The following NAT16 variants were observed in gnomAD, a reference collection of about 807,000 sequenced individuals.
NAT16 encodes the protein N-acetyltransferase 16 (putative), also known as probable N-acetyltransferase 16.
NAT16 carries 16 observed loss-of-function variants against 15.9 expected under a neutral mutation model. The ratio of observed to expected loss-of-function variants is 1.01; its 90% CI spans 0.68 to 1.53. The LOEUF is 1.53. Among genes scored for constraint, NAT16 ranks in the 40% most tolerant of loss-of-function variants. The pLI is 0.00. For synonymous variants in NAT16, 260 were observed against 241.9 expected, an observed-to-expected ratio of 1.07 and a Z score of -0.69; for missense variants, 572 against 508.4, an observed-to-expected ratio of 1.13 and a Z score of -1.20.
rs201125111 is a variant in NAT16, at chr7:101,172,675, G to C, written c.538-24C>G. On this transcript the variant is annotated intron_variant, in intron 3 of 3. Coordinates refer to ENST00000300303, the MANE Select transcript of NAT16 (RefSeq NM_198571.3). This position sits in a 1 kb window ranked among gnomAD's most constrained non-coding sequence, Gnocchi z 4.2. ...CCCTGCGGGGGGCACGAGTGAGCGC[G>C]GGGAGGGGGGGCGCAGCAGGGCTGG... The C allele has an allele frequency of 1.0e-3, 1,517 of 1,450,706 alleles. 12 individuals carry two copies. In the African/African-American group the frequency reaches 0.019, roughly 18 times the overall value. 89.9% of individuals were successfully genotyped at this position (1,450,706 alleles called of 1,614,324 possible). A position where few individuals can be genotyped will look rare whatever the true frequency, so the allele number is the denominator to read the frequency against.
intron 2 of NAT16, chr7:101,173,772 G>A: frequency 1.9e-6 from 1 of 517,528 alleles, no homozygotes; most frequent in Non-Finnish European, 3.4e-6. Flanking sequence ...CACCCAGGCT[G>A]GAGCGCAGTG....
rs754359293 is a variant in NAT16, at chr7:101,172,315, C to G, written c.874G>C (p.Gly292Arg). 1.2e-5 allele frequency: 20 copies of G among 1,608,734 alleles called. No homozygotes were observed. Among genetic ancestry groups the G allele is most frequent in the Non-Finnish European group, 1.6e-5 (19 of 1,178,326 alleles). The part of the protein sequence containing the change: ...RPFPIPHGGD[G>R]TWRYLNIDAF... ...TCGATGTTGAGATAGCGCCAAGTGC[C>G]GTCCCCTCCGTGCGGGATGGGGAAG... Residue 292 changes from glycine to arginine, a missense_variant, in exon 4 of 4, where the codon GGC (glycine) becomes CGC (arginine). By Grantham distance (125) the Gly-to-Arg change is moderately radical. Transcript: ENST00000300303. The surrounding 1 kb of genome is among the most constrained non-coding windows in gnomAD (Gnocchi z 4.2).
Position 101,174,538 on chromosome 7 carries a change from G to T in NAT16, c.270C>A (p.Asp90Glu). The change falls in exon 2 of 4, where the codon GAC becomes GAA. Residue 90 changes from aspartate (D) to glutamate (E), a missense_variant. Asp to Glu is a conservative substitution (Grantham distance 45, BLOSUM62 2). Coordinates refer to ENST00000300303, the MANE Select transcript of NAT16 (RefSeq NM_198571.3). ...TGGCCAGCACCACCGTGCGGTCGGGGTCCCGGAGCCAGCTGTGGTAGCGGC... is the reference window on the plus strand; with the variant it reads ...TGGCCAGCACCACCGTGCGGTCGGGTTCCCGGAGCCAGCTGTGGTAGCGGC... ...LPSRYHSWLR[D>E]PDRTVVLAKR... 1.2e-6 allele frequency: 2 copies of T among 1,613,884 alleles called. No individual in the cohort carries two copies. Among genetic ancestry groups the T allele is most frequent in the Non-Finnish European group, 8.5e-7 (1 of 1,179,904 alleles).
At chr7:101,173,614 C>G in intron 2 of NAT16, 94 bp from the exon 3 acceptor site, 1 of 1,122,048 alleles carries the variant, frequency 8.9e-7, no homozygotes, top group Non-Finnish European at 1.2e-6. Flanking sequence ...ACACGCTGAG[C>G]ACTCCGCGTC....
At chr7:101,178,562 G>C (rs550420467) in intron 1 of NAT16, among the ~76,000 whole-genome samples, 1 of 151,890 alleles carries the variant, frequency 6.6e-6, no homozygotes, top group South Asian at 2.1e-4. Context: ...TGGACCAAGC[G>C]CCCTCCTAAA....
Position 101,172,314 on chromosome 7 carries a change from C to T in NAT16, c.875G>A (p.Gly292Asp). The change falls in exon 4 of 4, where the codon GGC becomes GAC. Residue 292 changes from glycine to aspartate, a missense_variant. Transcript: ENST00000300303. This position sits in a 1 kb window ranked among gnomAD's most constrained non-coding sequence, Gnocchi z 4.2. ...GTCGATGTTGAGATAGCGCCAAGTG[C>T]CGTCCCCTCCGTGCGGGATGGGGAA... ...RPFPIPHGGDGTWRYLNIDAF... is the reference protein window; with the variant it reads ...RPFPIPHGGDDTWRYLNIDAF... 1 of 1,608,650 alleles carries T rather than the reference C, an allele frequency of 6.2e-7. No individual in the cohort carries two copies. Among genetic ancestry groups the T allele is most frequent in the Non-Finnish European group, 8.5e-7 (1 of 1,178,244 alleles).
Position 101,179,539 on chromosome 7 carries a change from CAG to C in NAT16, c.-5+501_-5+502del, listed in dbSNP as rs1256061758. Among the ~76,000 whole-genome samples the C allele has an allele frequency of 3.4e-5, 5 of 147,288 alleles. No homozygotes were observed. The Admixed American group carries it at 3.5e-4, about 10-fold the overall frequency. On this transcript the variant is annotated intron_variant, in intron 1 of 3. Transcript: ENST00000300303. ...GGCCGTAAGAGAACAACCTTGGAAACAGAGACGGGGAGAGGCGATGAAGTGGG... is the reference window on the plus strand; with the variant it reads ...GGCCGTAAGAGAACAACCTTGGAAACAGACGGGGAGAGGCGATGAAGTGGG...
rs34985488 is a variant in NAT16 at position 101,174,620 on chromosome 7, A to G, written c.188T>C (p.Phe63Ser). 153,408 of 1,613,924 alleles carry G rather than the reference A, an allele frequency of 0.095. 9,544 individuals are homozygous for G. The highest frequency in any genetic ancestry group is 0.25 in the African/African-American group (18,468 of 74,946). The change falls in exon 2 of 4, where the codon TTT becomes TCT. Residue 63 changes from phenylalanine (F) to serine (S), a missense_variant. Coordinates refer to ENST00000300303, the MANE Select transcript of NAT16 (RefSeq NM_198571.3). The part of the protein sequence containing the change: ...LDFVVATERE[F>S]EEVLAISGGI... ...CCCCGAGATGGCCAGCACTTCCTCA[A>G]ACTCCCGTTCCGTGGCCACCACGAA...
At position 101,172,342 on chromosome 7, in the gene NAT16, G is replaced by C; in HGVS notation, c.847C>G (p.Pro283Ala). The change falls in exon 4 of 4, where the codon CCC (proline) becomes GCC (alanine). Residue 283 changes from proline to alanine, a missense_variant. Pro to Ala is a conservative substitution (Grantham distance 27, BLOSUM62 -1). Transcript: ENST00000300303. The surrounding 1 kb of genome is among the most constrained non-coding windows in gnomAD (Gnocchi z 4.2). ...RPRVLTLCTR[P>A]FPIPHGGDGT... ...TCCCCTCCGTGCGGGATGGGGAAGG[G>C]GCGCGTGCACAGCGTGAGCACGCGC... 1 of 1,598,282 alleles carries C rather than the reference G, an allele frequency of 6.3e-7. No individual in the cohort carries two copies. Among genetic ancestry groups the C allele is most frequent in the Non-Finnish European group, 8.5e-7 (1 of 1,174,118 alleles).
In NAT16 at chr7:101,174,716, G is replaced by A. The variant is rs1240117858; in HGVS notation, c.92C>T (p.Thr31Ile). 6.2e-7 allele frequency: 1 copy of A among 1,612,710 alleles called. No individual in the cohort carries two copies. Among genetic ancestry groups the A allele is most frequent in the Non-Finnish European group, 8.5e-7 (1 of 1,179,974 alleles). Reference protein sequence around the residue: ...TARDAEPSSETRPQEVEAEPR... With the variant: ...TARDAEPSSEIRPQEVEAEPR... ...CTCGGCCTCCACCTCCTGTGGCCGG[G>A]TTTCAGAGCTTGGCTCTGCATCTCG... The change falls in exon 2 of 4, where the codon ACC (threonine) becomes ATC (isoleucine). Residue 31 changes from threonine (T) to isoleucine (I), a missense_variant. Physicochemically the swap from Thr to Ile is moderately conservative, Grantham distance 89. Transcript: ENST00000300303.
Position 101,174,790 on chromosome 7 carries a change from G to A in NAT16, c.18C>T (p.Ser6=). 1 of 1,575,976 alleles carries A rather than the reference G, an allele frequency of 6.3e-7. No individual in the cohort carries two copies. The highest frequency in any genetic ancestry group is 8.6e-7 in the Non-Finnish European group (1 of 1,162,750). The change falls in exon 2 of 4, where the codon AGC becomes AGT. Residue 6 remains serine (S), a synonymous_variant. Coordinates refer to ENST00000300303, the MANE Select transcript of NAT16 (RefSeq NM_198571.3). ...GGACCTCTGAGGTGGCTGTGCCACA[G>A]CTGGCTTCCAGCTTCATGACCCTGC... The part of the protein sequence containing the change: MKLEA[S]CGTATSEVPK...
chr7:101,174,062 T>C (rs563314729), intron 2 of NAT16: 6 of 264,530 alleles, frequency 2.3e-5, no homozygotes, highest in Non-Finnish European at 4.3e-5. Flanking sequence ...CAGCTCCGAG[T>C]GTGTCAAGTT....
chr7:101,177,189 C>CCTG, intron 1 of NAT16, among the ~76,000 whole-genome samples: 2 of 152,252 alleles, frequency 1.3e-5, no homozygotes, highest in South Asian at 4.2e-4. Context: ...CATTAGAGAC[C>CCTG]ATCAGGTTCA....
intron 2 of NAT16, chr7:101,173,864 C>A: frequency 3.0e-6 from 1 of 336,902 alleles, no homozygotes; most frequent in South Asian, 9.1e-5. Context: ...GTAGCTGGGA[C>A]AACAGGCACG....
chr7:101,174,878 A>C, intron 1 of NAT16, 67 bp from the exon 2 acceptor site: 1 of 1,492,764 alleles, frequency 6.7e-7, no homozygotes, highest in Non-Finnish European at 8.9e-7. Context: ...GCCCCTGCAC[A>C]CAAACGGTCC....
At chr7:101,177,010 C>T (rs986377935) in intron 1 of NAT16, among the ~76,000 whole-genome samples, 11 of 152,080 alleles carry the variant, frequency 7.2e-5, no homozygotes, top group South Asian at 2.1e-4. Context: ...TGCCTAAACG[C>T]GGTATGCTTG....
At chr7:101,175,884 C>T (rs1057490776) in intron 1 of NAT16, among the ~76,000 whole-genome samples, 7 of 150,108 alleles carry the variant, frequency 4.7e-5, no homozygotes, top group Admixed American at 1.3e-4. Context: ...ATCACACCAC[C>T]GCACTCCAGC....
In NAT16 at chr7:101,173,497, C is replaced by A; in HGVS notation, c.336G>T (p.Val112=). Residue 112 remains valine, a synonymous_variant, in exon 3 of 4, where the codon GTG becomes GTT. Transcript: ENST00000300303. The part of the protein sequence containing the change: ...GGVIALESVN[V]IDAGETVLVE... ...CCAGCACCGTCTCCCCGGCGTCGATCACGTTCACCGACTCCAGCGCGATCT... is the reference window on the plus strand; with the variant it reads ...CCAGCACCGTCTCCCCGGCGTCGATAACGTTCACCGACTCCAGCGCGATCT... 6.2e-7 allele frequency: 1 copy of A among 1,605,326 alleles called. No individual in the cohort carries two copies. Among genetic ancestry groups the A allele is most frequent in the Non-Finnish European group, 8.5e-7 (1 of 1,175,232 alleles).
In NAT16 at chr7:101,172,378, G is replaced by C. The variant is rs1253705388; in HGVS notation, c.811C>G (p.Arg271Gly). Residue 271 changes from arginine to glycine, a missense_variant, in exon 4 of 4, where the codon CGC (arginine) becomes GGC (glycine). Transcript: ENST00000300303. The surrounding 1 kb of genome is among the most constrained non-coding windows in gnomAD (Gnocchi z 4.2). ...AGCGTGAGCACGCGCGGGCGCGCGCGGCTGTCCACGCGCCACTCCAGGCCC... is the reference window on the plus strand; with the variant it reads ...AGCGTGAGCACGCGCGGGCGCGCGCCGCTGTCCACGCGCCACTCCAGGCCC... ...AKGLEWRVDS[R>G]ARPRVLTLCT... 6.4e-7 allele frequency: 1 copy of C among 1,571,128 alleles called. No individual in the cohort carries two copies. Among genetic ancestry groups the C allele is most frequent in the Non-Finnish European group, 8.6e-7 (1 of 1,161,640 alleles).
Sources: allele counts gnomAD v4.1 joint callset (sites outside exome capture counted in the v4.1 genomes callset), GRCh38; gene constraint gnomAD v4.1.1; non-coding constraint Gnocchi (gnomAD v3.1); transcripts MANE v1.5; gene names NCBI Gene and HGNC (gene_info 2026-07-23, HGNC 2026-07-21).